Variants in GREB1 observed in about 807,000 individuals in gnomAD.
GREB1 encodes the protein growth regulating estrogen receptor binding 1.
Under a neutral mutation model 200.7 loss-of-function variants are expected in GREB1, and 106 were observed. The ratio of observed to expected loss-of-function variants is 0.53; its 90% CI spans 0.45 to 0.62. The LOEUF is 0.62. GREB1 is among the 20% of genes least tolerant of loss of function. The pLI, the probability that GREB1 is intolerant of heterozygous loss-of-function variation, is 0.00. For missense variants in GREB1, 2,243 were observed against 2,556.8 expected (o/e 0.88, Z 2.65); for synonymous variants, 1,132 against 1,092.4 (o/e 1.04, Z -0.72).
At chr2:11,574,091 T>G (rs1678588122) in intron 4 of GREB1, among the ~76,000 whole-genome samples, 1 of 152,192 alleles carries the variant, frequency 6.6e-6, no homozygotes, top group Non-Finnish European at 1.5e-5. Flanking sequence ...GGTGAAGGAA[T>G]AAACAAAGAC....
chr2:11,507,269 C>T (rs768480780), intron 1 of GREB1, among the ~76,000 whole-genome samples: 6 of 151,960 alleles, frequency 3.9e-5, no homozygotes, highest in Non-Finnish European at 8.8e-5. Flanking sequence ...CTGAGCCAGG[C>T]GTGGTGGCAG....
intron 1 of GREB1, among the ~76,000 whole-genome samples, chr2:11,554,850 G>A (rs1342174534): frequency 1.3e-5 from 2 of 152,168 alleles, no homozygotes. Flanking sequence ...AGTTTCTAAA[G>A]ACCACAGTCT....
At chr2:11,623,561 G>A (rs1190128343) in intron 23 of GREB1, among the ~76,000 whole-genome samples, 1 of 152,160 alleles carries the variant, frequency 6.6e-6, no homozygotes, top group Non-Finnish European at 1.5e-5. Context: ...AAGGCTGGGC[G>A]AGTGTGTGTG....
Position 11,600,881 on chromosome 2 carries a change from G to A in GREB1, c.2415G>A (p.Lys805=). The A allele has an allele frequency of 6.2e-7, 1 of 1,614,160 alleles. No homozygotes were observed. The highest frequency in any genetic ancestry group is 8.5e-7 in the Non-Finnish European group (1 of 1,180,002). ...VDRLLNCREV[K]EAPNIVTLHV... is the part of the protein sequence containing the mutation. ...GATTGCTCAACTGCAGGGAGGTGAA[G>A]GAGGCCCCCAACATTGTGACACTTC... The change falls in exon 16 of 33, where the codon AAG becomes AAA. Residue 805 remains lysine (K), a synonymous_variant. Coordinates refer to ENST00000381486, the MANE Select transcript of GREB1 (RefSeq NM_014668.4).
chr2:11,636,822 G>GGGTAGA (rs1685376943), intron 30 of GREB1, among the ~76,000 whole-genome samples: 3 of 143,696 alleles, frequency 2.1e-5, no homozygotes, highest in African/African-American at 5.0e-5. Flanking sequence ...ACAGAGGCAG[G>GGGTAGA]GGCAGGGACA....
intron 1 of GREB1, among the ~76,000 whole-genome samples, chr2:11,503,085 G>A (rs1673090903): frequency 6.6e-6 from 1 of 152,182 alleles, no homozygotes; most frequent in Non-Finnish European, 1.5e-5. Flanking sequence ...TTCTAGTTGT[G>A]TGGGGCTAGC....
At chr2:11,499,347 C>T (rs1424460057) in intron 1 of GREB1, among the ~76,000 whole-genome samples, 3 of 152,196 alleles carry the variant, frequency 2.0e-5, no homozygotes, top group Non-Finnish European at 4.4e-5. Context: ...GCCAGTGCTA[C>T]GAGAATGATC....
chr2:11,615,268 G>A lies in GREB1; in HGVS notation c.3300G>A (p.Glu1100=). 6.3e-7 allele frequency: 1 copy of A among 1,597,944 alleles called. No individual in the cohort carries two copies. The highest frequency in any genetic ancestry group is 8.5e-7 in the Non-Finnish European group (1 of 1,171,576). The change falls in exon 20 of 33, where the codon GAG becomes GAA. Residue 1100 remains glutamate (E), a synonymous_variant. Transcript: ENST00000381486. ...AGAAGCTGAGCAGCACAGACAACGA[G>A]GATGAGGAGCTGGGGACAGAAGGTG... is the stretch of plus-strand genomic sequence containing the variant. ...DAEKLSSTDN[E]DEELGTEGST... is the part of the protein sequence containing the mutation.
rs759888359 is a variant in GREB1, at chr2:11,627,047, C to T, written c.4392C>T (p.Asn1464=). 11 of 1,613,778 alleles carry T rather than the reference C, an allele frequency of 6.8e-6. No homozygotes were observed. Among genetic ancestry groups the T allele is most frequent in the South Asian group, 6.6e-5 (6 of 91,040 alleles). The change falls in exon 25 of 33, where the codon AAC becomes AAT. Residue 1464 remains asparagine, a synonymous_variant. Transcript: ENST00000381486. ...RMRLSKYAAY[N]TYHHCEQCHQ... is the part of the protein sequence containing the mutation. ...GACTGTCCAAGTACGCAGCGTACAA[C>T]ACTTACCACCACTGTGAGCAGTGCC...
At chr2:11,496,790 A>G (rs554679188) in intron 1 of GREB1, among the ~76,000 whole-genome samples, 38 of 152,204 alleles carry the variant, frequency 2.5e-4, no homozygotes, top group Non-Finnish European at 4.9e-4. Context: ...ACACTATGGC[A>G]ACATTGATAC....
At chr2:11,638,547 C>G (rs538505963) in intron 31 of GREB1, 124 bp from the exon 32 acceptor site, 2 of 718,670 alleles carry the variant, frequency 2.8e-6, no homozygotes, top group Non-Finnish European at 4.6e-6. Context: ...AATATTGTCT[C>G]TGGCCCCCCA....
intron 9 of GREB1, among the ~76,000 whole-genome samples, chr2:11,586,923 G>T (rs772988805): frequency 1.3e-5 from 2 of 151,938 alleles, no homozygotes; most frequent in East Asian, 3.9e-4. Flanking sequence ...GTTTTTTTAC[G>T]TGGCCATGGC....
At chr2:11,498,717 T>C (rs1298884182) in intron 1 of GREB1, among the ~76,000 whole-genome samples, 3 of 152,198 alleles carry the variant, frequency 2.0e-5, no homozygotes, top group Non-Finnish European at 4.4e-5. Flanking sequence ...CTTGGCGTCC[T>C]GGGCTGATCT....
rs749493872 is a variant in GREB1, at chr2:11,610,961, T to C, written c.2940T>C (p.Phe980=). The change falls in exon 18 of 33, where the codon TTT becomes TTC. Residue 980 remains phenylalanine (F), a synonymous_variant. Coordinates refer to ENST00000381486, the MANE Select transcript of GREB1 (RefSeq NM_014668.4). ...VRARLALEEH[F]EIILGSPSSG... Reference sequence around the variant, plus strand: ...CCCGGCTGGCGCTGGAGGAGCACTTTGAGATCATCCTGGGCAGTCCCAGCT... The same window carrying C: ...CCCGGCTGGCGCTGGAGGAGCACTTCGAGATCATCCTGGGCAGTCCCAGCT... The C allele has an allele frequency of 1.3e-5, 21 of 1,608,994 alleles. No individual in the cohort carries two copies. Among genetic ancestry groups the C allele is most frequent in the Admixed American group, 1.7e-5 (1 of 59,386 alleles).
rs79342041 is a variant in GREB1 at position 11,551,007 on chromosome 2, T to A, written c.-161-5447T>A. On this transcript the variant is annotated intron_variant, in intron 1 of 32. Coordinates refer to ENST00000381486, the MANE Select transcript of GREB1 (RefSeq NM_014668.4). Reference sequence around the variant, plus strand: ...CCTAAAAATTCTCATTCTACCCGAGTCCTCTAAAGGACACAGATTTACTGG... The same window carrying A: ...CCTAAAAATTCTCATTCTACCCGAGACCTCTAAAGGACACAGATTTACTGG... Among the ~76,000 whole-genome samples the A allele has an allele frequency of 9.1e-3, 1,390 of 152,242 alleles. 17 individuals carry two copies. Among genetic ancestry groups the A allele is most frequent in the African/African-American group, 0.032 (1,324 of 41,532 alleles).
At chr2:11,561,045 C>G (rs531527677) in intron 2 of GREB1, 4 of 152,164 alleles carry the variant, frequency 2.6e-5, no homozygotes, top group Admixed American at 2.0e-4. Flanking sequence ...TCCTGCCTGC[C>G]GGAGCTGAGA....
chr2:11,483,230 GTGCGTGTGCGTGTA>G (rs1672552301), intron 1 of GREB1, among the ~76,000 whole-genome samples: 1 of 150,164 alleles, frequency 6.7e-6, no homozygotes, highest in African/African-American at 2.5e-5. Context: ...TGGGGTGTGC[GTGCGTGTGCGTGTA>G]TGGGTGTGCG....
rs1000832508 is a variant in GREB1, at chr2:11,544,745, C to A, written c.-162+10491C>A. ...GCTGGCCGCCTGTCTGTCCTGCCCC[C>A]CTGTTTGCCTGCTCACCTCCACGCA... On this transcript the variant is annotated intron_variant, in intron 1 of 32. Coordinates refer to ENST00000381486, the MANE Select transcript of GREB1 (RefSeq NM_014668.4). Among the ~76,000 whole-genome samples, 4 of 152,264 alleles carry A rather than the reference C, an allele frequency of 2.6e-5. No individual in the cohort carries two copies. The South Asian group carries it at 6.2e-4, about 24-fold the overall frequency.
At chr2:11,561,281 A>C (rs1270855884) in intron 2 of GREB1, 2 of 151,496 alleles carry the variant, frequency 1.3e-5, no homozygotes, top group Non-Finnish European at 2.9e-5. Context: ...ACCATACCTG[A>C]CCCTGTTATA....
Sources: gnomAD v4.1 joint callset for allele counts (sites outside exome capture counted in the v4.1 genomes callset) on GRCh38, gnomAD v4.1.1 for gene constraint, MANE v1.5 for transcripts, NCBI Gene and HGNC (gene_info 2026-07-23, HGNC 2026-07-21) for gene names.